Variants in FAM53B observed in about 807,000 individuals in gnomAD.
FAM53B encodes the protein family with sequence similarity 53 member B, also known as protein FAM53B.
In FAM53B, 12 loss-of-function variants were observed where a neutral mutation model predicts 32.7. The observed-to-expected ratio is 0.37, with a 90% CI of 0.24 to 0.59. The LOEUF (loss-of-function observed/expected upper bound fraction) is 0.59. FAM53B is among the 20% of genes least tolerant of loss of function. The pLI, the probability that FAM53B is intolerant of heterozygous loss-of-function variation, is 0.72. For synonymous variants in FAM53B, 234 were observed against 228.7 expected, an observed-to-expected ratio of 1.02 and a Z score of -0.21; for missense variants, 477 against 577.7, an observed-to-expected ratio of 0.83 and a Z score of 1.79.
chr10:124,650,437 A>G (rs982308034), intron 4 of FAM53B, among the ~76,000 whole-genome samples: 3 of 152,174 alleles, frequency 2.0e-5, no homozygotes, highest in African/African-American at 4.8e-5. Context: ...AACGGTGGTT[A>G]TGGTGATGAT....
At chr10:124,713,470 C>A (rs1363190458) in intron 1 of FAM53B, 1 of 152,254 alleles carries the variant, frequency 6.6e-6, no homozygotes. Context: ...AACCGCTGAA[C>A]ACAGCTATCT....
chr10:124,722,096 A>G (rs1481647767), intron 1 of FAM53B, among the ~76,000 whole-genome samples: 1 of 152,254 alleles, frequency 6.6e-6, no homozygotes, highest in Admixed American at 6.5e-5. Flanking sequence ...ACAGCCAGAT[A>G]GAAGGAGTAC....
intron 4 of FAM53B, among the ~76,000 whole-genome samples, chr10:124,658,831 C>A (rs926396230): frequency 3.9e-5 from 6 of 152,234 alleles, no homozygotes; most frequent in African/African-American, 1.4e-4. Flanking sequence ...CCTGTCAAAG[C>A]TTCTCCAGCC....
intron 4 of FAM53B, among the ~76,000 whole-genome samples, chr10:124,672,851 C>T (rs1949714983): frequency 6.6e-6 from 1 of 152,180 alleles, no homozygotes; most frequent in African/African-American, 2.4e-5. Flanking sequence ...CCCATAGATA[C>T]CTTCATACAG....
chr10:124,709,351 C>T (rs1048997634), intron 1 of FAM53B, among the ~76,000 whole-genome samples: 1 of 152,180 alleles, frequency 6.6e-6, no homozygotes, highest in African/African-American at 2.4e-5. Context: ...GACGGGGCAC[C>T]CCAGCTCTCT....
At chr10:124,731,540 A>G (rs979178590) in intron 1 of FAM53B, among the ~76,000 whole-genome samples, 2 of 151,200 alleles carry the variant, frequency 1.3e-5, no homozygotes, top group African/African-American at 2.4e-5. Flanking sequence ...AAGAGGCTCC[A>G]TTTATAAAGG....
At chr10:124,693,011 G>T (rs1949844696) in intron 3 of FAM53B, among the ~76,000 whole-genome samples, 1 of 152,174 alleles carries the variant, frequency 6.6e-6, no homozygotes, top group Non-Finnish European at 1.5e-5. Context: ...GAATTCCACT[G>T]ATCAGCACCA....
At position 124,653,471 on chromosome 10, in the gene FAM53B, T is replaced by A. The variant is rs1429096880; in HGVS notation, c.906+28136A>T. On this transcript the variant is annotated intron_variant, in intron 4 of 4. Transcript: ENST00000337318. ...AGGGTCCCGGATGGCCAGGCCTCAC[T>A]CTCCGTGTTACACTTTCAAGAGGTC... Among the ~76,000 whole-genome samples the A allele has an allele frequency of 4.0e-4, 61 of 152,110 alleles. 3 individuals are homozygous for A. Among genetic ancestry groups the A allele is most frequent in the Admixed American group, 4.0e-3 (61 of 15,280 alleles).
At chr10:124,669,746 G>A (rs1274663650) in intron 4 of FAM53B, among the ~76,000 whole-genome samples, 2 of 152,156 alleles carry the variant, frequency 1.3e-5, no homozygotes, top group African/African-American at 4.8e-5. Context: ...ACGGGCTGTC[G>A]GGGCCAAAGA....
intron 4 of FAM53B, among the ~76,000 whole-genome samples, chr10:124,641,704 G>C (rs746315417): frequency 2.6e-5 from 4 of 152,236 alleles, no homozygotes; most frequent in Non-Finnish European, 5.9e-5. Context: ...CACTGTGCCT[G>C]CAAGAGGCCC....
At chr10:124,681,519 C>T (rs1949771487) in intron 4 of FAM53B, 88 bp downstream of exon 4, 1 of 1,191,124 alleles carries the variant, frequency 8.4e-7, no homozygotes, top group Admixed American at 2.9e-5. Context: ...ATTTCTGAAA[C>T]TGGCAATCTA....
At chr10:124,714,336 T>C (rs1950025107) in intron 1 of FAM53B, 2 of 152,072 alleles carry the variant, frequency 1.3e-5, no homozygotes, top group Admixed American at 6.5e-5. Context: ...GACCCACGAA[T>C]GTGCAGCTTC....
rs189789752 is a variant in FAM53B at position 124,625,487 on chromosome 10, G to A, written c.907-1883C>T. ...GCACACAGCACAATCCCCTCACCAC[G>A]GCAGAGAGCTGGAGACGGCGACCCC... On this transcript the variant is annotated intron_variant, in intron 4 of 4. Coordinates refer to ENST00000337318, the MANE Select transcript of FAM53B (RefSeq NM_014661.4). 2.6e-5 allele frequency among the ~76,000 whole-genome samples: 4 copies of A among 152,266 alleles called. No homozygotes were observed. In the East Asian group the frequency reaches 5.8e-4, roughly 22 times the overall value.
intron 1 of FAM53B, among the ~76,000 whole-genome samples, chr10:124,728,311 G>A (rs552068637): frequency 7.2e-5 from 11 of 152,280 alleles, no homozygotes; most frequent in Admixed American, 1.3e-4. Context: ...GATCTGGTTC[G>A]TTCACTCAGC....
intron 2 of FAM53B, among the ~76,000 whole-genome samples, chr10:124,703,394 T>C (rs1949928981): frequency 6.6e-6 from 1 of 152,132 alleles, no homozygotes; most frequent in African/African-American, 2.4e-5. Context: ...GCCAAGTAAA[T>C]CTCTTTTCTT....
intron 3 of FAM53B, among the ~76,000 whole-genome samples, chr10:124,691,188 T>C (rs1437459383): frequency 6.6e-6 from 1 of 152,172 alleles, no homozygotes; most frequent in Non-Finnish European, 1.5e-5. Flanking sequence ...AGCCAACTGG[T>C]TTACCCTGTA....
intron 1 of FAM53B, among the ~76,000 whole-genome samples, chr10:124,711,408 G>A (rs927021779): frequency 2.0e-5 from 3 of 152,078 alleles, no homozygotes; most frequent in Non-Finnish European, 2.9e-5. Flanking sequence ...GACTGTATCC[G>A]TGACAATTTT....
intron 4 of FAM53B, among the ~76,000 whole-genome samples, chr10:124,671,850 G>A (rs1949709002): frequency 6.6e-6 from 1 of 152,142 alleles, no homozygotes; most frequent in African/African-American, 2.4e-5. Context: ...TTTCAAAGGA[G>A]GCATTGTTAA....
intron 3 of FAM53B, among the ~76,000 whole-genome samples, chr10:124,687,118 C>T (rs1949807460): frequency 6.6e-6 from 1 of 152,128 alleles, no homozygotes. Flanking sequence ...CTGTGTTTTC[C>T]CCATTCGCTC....
Sources: allele counts gnomAD v4.1 joint callset (sites outside exome capture counted in the v4.1 genomes callset), GRCh38; gene constraint gnomAD v4.1.1; transcripts MANE v1.5; gene names NCBI Gene and HGNC (gene_info 2026-07-23, HGNC 2026-07-21).